Variants in TUBGCP3 observed in about 807,000 individuals in gnomAD.
The protein encoded by TUBGCP3 is gamma-tubulin complex component 3.
In TUBGCP3, 50 loss-of-function variants were observed where a neutral mutation model predicts 123.1. The observed-to-expected ratio is 0.41, with a 90% CI of 0.32 to 0.51. TUBGCP3 has a LOEUF of 0.51. Ranked by LOEUF, TUBGCP3 falls within the 20% of genes least tolerant of loss-of-function variation. The pLI, the probability that TUBGCP3 is intolerant of heterozygous loss-of-function variation, is 0.36. For missense variants in TUBGCP3, 882 were observed against 1,127.0 expected (o/e 0.78, Z 3.11); for synonymous variants, 405 against 413.9 (o/e 0.98, Z 0.26).
At chr13:112,544,857 A>C (rs996156767) in intron 11 of TUBGCP3, 2 of 152,244 alleles carry the variant, frequency 1.3e-5, no homozygotes, top group Admixed American at 1.3e-4. Context: ...CAAACAATAA[A>C]TTAGAAAACA....
At chr13:112,521,568 TG>T (rs1876628415) in intron 14 of TUBGCP3, 2 of 664,068 alleles carry the variant, frequency 3.0e-6, no homozygotes, top group Non-Finnish European at 3.7e-6. Context: ...CACTGAAACT[TG>T]AGGACCTGAG....
chr13:112,576,683 A>G (rs531821540), intron 1 of TUBGCP3, among the ~76,000 whole-genome samples: 1 of 152,324 alleles, frequency 6.6e-6, no homozygotes, highest in East Asian at 1.9e-4. Flanking sequence ...GGCAATAAAA[A>G]CTGTCAAAGA....
At chr13:112,498,766 AT>A in intron 20 of TUBGCP3, 1 of 1,536,966 alleles carries the variant, frequency 6.5e-7, no homozygotes, top group South Asian at 1.2e-5. Context: ...TGACATCGGC[AT>A]TGTGGCACTC....
intron 20 of TUBGCP3, 162 bp from the exon 21 acceptor site, chr13:112,489,859 C>G (rs1879958128): frequency 1.7e-6 from 1 of 592,986 alleles, no homozygotes; most frequent in South Asian, 2.3e-5. Context: ...AGACTGCTCT[C>G]CAGCTTACTT....
At chr13:112,534,083 C>G (rs139385331) in intron 11 of TUBGCP3, among the ~76,000 whole-genome samples, 406 of 151,438 alleles carry the variant, frequency 2.7e-3, no homozygotes, top group African/African-American at 9.2e-3. Context: ...ACTCTGAACT[C>G]AGCCACCTCC....
intron 1 of TUBGCP3, among the ~76,000 whole-genome samples, chr13:112,570,927 G>A (rs1881343857): frequency 6.6e-6 from 1 of 152,212 alleles, no homozygotes; most frequent in African/African-American, 2.4e-5. Flanking sequence ...CACTTTCTCT[G>A]CTCATCGATA....
At chr13:112,570,583 A>G (rs1881320322) in intron 1 of TUBGCP3, among the ~76,000 whole-genome samples, 1 of 152,218 alleles carries the variant, frequency 6.6e-6, no homozygotes, top group Non-Finnish European at 1.5e-5. Context: ...CAGCAAGTCG[A>G]AATCTTTTTG....
chr13:112,552,292 C>T (rs1480344202), intron 8 of TUBGCP3, among the ~76,000 whole-genome samples: 2 of 152,162 alleles, frequency 1.3e-5, no homozygotes, highest in Admixed American at 6.5e-5. Context: ...TGACTGGGAC[C>T]TATCAGTGAC....
At chr13:112,579,183 C>T (rs561984547) in intron 1 of TUBGCP3, among the ~76,000 whole-genome samples, 1 of 152,224 alleles carries the variant, frequency 6.6e-6, no homozygotes, top group Admixed American at 6.5e-5. Flanking sequence ...CAAAGATGTT[C>T]AACATCACTA....
chr13:112,587,318 TTTAAACAG>T (rs1882678668), intron 1 of TUBGCP3: 1 of 152,320 alleles, frequency 6.6e-6, no homozygotes, highest in Non-Finnish European at 1.5e-5. Flanking sequence ...CCTTCAACCC[TTTAAACAG>T]TAGGAAAACA....
In TUBGCP3 at chr13:112,519,266, G is replaced by A. The variant is rs774047944; in HGVS notation, c.1882-223C>T. ...GGCAATGCATGGTGTATTTCTGAATGAATATTGTGACTATGCGTTTAAAAT... is the reference window on the plus strand; with the variant it reads ...GGCAATGCATGGTGTATTTCTGAATAAATATTGTGACTATGCGTTTAAAAT... On this transcript the variant is annotated intron_variant, in intron 15 of 21. Coordinates refer to ENST00000261965, the MANE Select transcript of TUBGCP3 (RefSeq NM_006322.6). The surrounding 1 kb of genome is among the most constrained non-coding windows in gnomAD (Gnocchi z 6.2). 5.9e-5 allele frequency among the ~76,000 whole-genome samples: 9 copies of A among 152,220 alleles called. No homozygotes were observed. Among genetic ancestry groups the A allele is most frequent in the Non-Finnish European group, 1.3e-4 (9 of 68,032 alleles).
intron 11 of TUBGCP3, among the ~76,000 whole-genome samples, chr13:112,542,946 A>C (rs920561655): frequency 2.0e-5 from 3 of 152,168 alleles, no homozygotes; most frequent in Non-Finnish European, 4.4e-5. Context: ...TCAGGAGTTC[A>C]AGACCAGCCT....
Position 112,545,690 on chromosome 13 carries a change from G to T in TUBGCP3, c.1335+9C>A. On this transcript the variant is annotated intron_variant, in intron 11 of 21. Coordinates refer to ENST00000261965, the MANE Select transcript of TUBGCP3 (RefSeq NM_006322.6). The surrounding 1 kb of genome is among the most constrained non-coding windows in gnomAD (Gnocchi z 4.1). ...AATCCAAGTCTCAGAACCGAACACC[G>T]ATCCTTACTTCGTGGTAAGTGTCCT... 3 of 1,609,126 alleles carry T rather than the reference G, an allele frequency of 1.9e-6. No individual in the cohort carries two copies. Among genetic ancestry groups the T allele is most frequent in the Non-Finnish European group, 2.6e-6 (3 of 1,175,740 alleles).
chr13:112,548,288 T>C (rs1389027925), intron 8 of TUBGCP3, 112 bp from the exon 9 acceptor site: 2 of 651,454 alleles, frequency 3.1e-6, no homozygotes, highest in East Asian at 3.0e-5. Flanking sequence ...TGCTACAAGA[T>C]TTAAATTCAG....
At chr13:112,563,070 C>T (rs1437873036) in intron 3 of TUBGCP3, among the ~76,000 whole-genome samples, 1 of 152,186 alleles carries the variant, frequency 6.6e-6, no homozygotes, top group Non-Finnish European at 1.5e-5. Flanking sequence ...CCTCCCCCTT[C>T]GGACTTTCCT....
Position 112,556,125 on chromosome 13 carries a change from G to C in TUBGCP3, c.648C>G (p.Ala216=), listed in dbSNP as rs1200641725. The change falls in exon 6 of 22, where the codon GCC becomes GCG. Residue 216 remains alanine (A), a synonymous_variant. Coordinates refer to ENST00000261965, the MANE Select transcript of TUBGCP3 (RefSeq NM_006322.6). ...CACTGGGGACACCTTTTGAGGTAGTGGCTTGTGAAGAAGGCTGATTTGCAG... is the reference window on the plus strand; with the variant it reads ...CACTGGGGACACCTTTTGAGGTAGTCGCTTGTGAAGAAGGCTGATTTGCAG... ...TLTANQPSSQ[A]TTSKGVPSAV... is the part of the protein sequence containing the mutation. 1 of 1,614,090 alleles carries C rather than the reference G, an allele frequency of 6.2e-7. No homozygotes were observed. The highest frequency in any genetic ancestry group is 1.7e-5 in the Admixed American group (1 of 60,016).
At chr13:112,564,073 A>G (rs1016098715) in intron 3 of TUBGCP3, among the ~76,000 whole-genome samples, 2 of 152,112 alleles carry the variant, frequency 1.3e-5, no homozygotes, top group African/African-American at 4.8e-5. Flanking sequence ...GATTTAAGAA[A>G]GCAAATGATA....
chr13:112,507,757 G>A (rs189412008), intron 17 of TUBGCP3, among the ~76,000 whole-genome samples: 3 of 152,242 alleles, frequency 2.0e-5, no homozygotes, highest in Admixed American at 1.3e-4. Flanking sequence ...TTTTGCTAAC[G>A]TCTTCTACTT....
chr13:112,504,575 GC>G, intron 18 of TUBGCP3, 50 bp downstream of exon 18: 1 of 1,388,568 alleles, frequency 7.2e-7, no homozygotes, highest in Non-Finnish European at 1.0e-6. Flanking sequence ...CCATGTAAAA[GC>G]CAAGACATGA....
Sources: allele counts gnomAD v4.1 joint callset (sites outside exome capture counted in the v4.1 genomes callset), GRCh38; gene constraint gnomAD v4.1.1; non-coding constraint Gnocchi (gnomAD v3.1); transcripts MANE v1.5; gene names NCBI Gene and HGNC (gene_info 2026-07-23, HGNC 2026-07-21).